The following ESYT3 variants were observed in gnomAD, a reference collection of about 807,000 sequenced individuals.
The protein encoded by ESYT3 is extended synaptotagmin-3.
A neutral mutation model predicts 111.5 loss-of-function variants in ESYT3; 101 were observed. The ratio of observed to expected loss-of-function variants is 0.91; its 90% confidence interval spans 0.77 to 1.07. The LOEUF (loss-of-function observed/expected upper bound fraction) is 1.07. ESYT3 is among the 50% of genes least tolerant of loss of function. The pLI is 0.00. For missense variants in ESYT3, 1,097 were observed against 1,109.4 expected (o/e 0.99, Z 0.16); for synonymous variants, 416 against 446.8 (o/e 0.93, Z 0.87).
intron 22 of ESYT3, 41 bp from the exon 23 acceptor site, chr3:138,476,775 ACT>A: frequency 1.9e-6 from 3 of 1,599,858 alleles, no homozygotes; most frequent in Non-Finnish European, 1.7e-6. Context: ...ACCACAACAC[ACT>A]GTCATTACTA....
chr3:138,460,227 G>T (rs923375131), intron 6 of ESYT3, among the ~76,000 whole-genome samples, 193 bp downstream of exon 6: 1 of 152,206 alleles, frequency 6.6e-6, no homozygotes, highest in African/African-American at 2.4e-5. Context: ...AGATGAGGCA[G>T]CTAAGCTCAG....
chr3:138,455,286 C>T lies in ESYT3; in HGVS notation c.462C>T (p.His154=). The T allele has an allele frequency of 6.2e-6, 10 of 1,614,126 alleles. No homozygotes were observed. The highest frequency in any genetic ancestry group is 1.7e-5 in the Admixed American group (1 of 60,028). ...LEPKIREKSI[H]LRTFTFTKLY... Reference sequence around the variant, plus strand: ...CCAAGATCCGAGAGAAGAGCATCCACCTGAGGACCTTTACCTTTACCAAGC... The same window carrying T: ...CCAAGATCCGAGAGAAGAGCATCCATCTGAGGACCTTTACCTTTACCAAGC... Residue 154 remains histidine, a synonymous_variant, in exon 3 of 23, where the codon CAC becomes CAT. Transcript: ENST00000389567.
intron 1 of ESYT3, among the ~76,000 whole-genome samples, chr3:138,442,257 T>A (rs1478117783): frequency 1.3e-5 from 2 of 152,232 alleles, no homozygotes; most frequent in Non-Finnish European, 2.9e-5. Context: ...TTCCTTTATA[T>A]AGAAAATATA....
chr3:138,474,256 C>G lies in ESYT3; in HGVS notation c.2372C>G (p.Pro791Arg). Residue 791 changes from proline to arginine, a missense_variant, in exon 20 of 23, where the codon CCC becomes CGC. By Grantham distance (103) the Pro-to-Arg change is moderately radical. Transcript: ENST00000389567. ...CCATGTACCAGCAGTGGAGCTGATCCCTACGTCCGTGTCTACTTGTTGCCA... is the reference window on the plus strand; with the variant it reads ...CCATGTACCAGCAGTGGAGCTGATCGCTACGTCCGTGTCTACTTGTTGCCA... ...LTPCTSSGAD[P>R]YVRVYLLPER... 1 of 1,613,694 alleles carries G rather than the reference C, an allele frequency of 6.2e-7. No homozygotes were observed. Among genetic ancestry groups the G allele is most frequent in the South Asian group, 1.1e-5 (1 of 91,004 alleles).
intron 17 of ESYT3, among the ~76,000 whole-genome samples, chr3:138,471,688 C>A (rs2033226725): frequency 6.6e-6 from 1 of 152,172 alleles, no homozygotes; most frequent in African/African-American, 2.4e-5. Context: ...TCCTTTATGA[C>A]CTGGATCGAG....
chr3:138,461,832 C>T (rs766802706), intron 7 of ESYT3, among the ~76,000 whole-genome samples: 3 of 151,522 alleles, frequency 2.0e-5, no homozygotes, highest in African/African-American at 4.9e-5. Context: ...GTGTGACCTC[C>T]AAGAACAAAG....
At chr3:138,455,439 A>C in intron 3 of ESYT3, 111 bp downstream of exon 3, 34 of 1,193,702 alleles carry the variant, frequency 2.8e-5, no homozygotes, top group Non-Finnish European at 3.7e-5. Context: ...CAGAGATCCC[A>C]CTGGACCTTA....
At chr3:138,453,172 G>T (rs1054502964) in intron 2 of ESYT3, among the ~76,000 whole-genome samples, 70 of 152,328 alleles carry the variant, frequency 4.6e-4, no homozygotes, top group African/African-American at 1.6e-3. Context: ...GCAGGACCCA[G>T]CGCCTCTGGG....
intron 18 of ESYT3, 78 bp from the exon 19 acceptor site, chr3:138,473,458 G>GCT: frequency 7.8e-7 from 1 of 1,276,538 alleles, no homozygotes; most frequent in East Asian, 2.3e-5. Context: ...AAGCAGGAAT[G>GCT]CTTCTTTGTC....
At position 138,476,809 on chromosome 3, in the gene ESYT3, G is replaced by A. The variant is rs371221156; in HGVS notation, c.2625-9G>A. The A allele has an allele frequency of 1.2e-6, 2 of 1,613,864 alleles. No homozygotes were observed. Among genetic ancestry groups the A allele is most frequent in the Admixed American group, 1.7e-5 (1 of 60,014 alleles). ...ACTAACGTTAAGTCCAAACGTAACT[G>A]TCTTACAGGTATGAGCTGACTCCAA... is the stretch of plus-strand genomic sequence containing the variant. On this transcript the variant is annotated splice_polypyrimidine_tract_variant and intron_variant, in intron 22 of 22. Transcript: ENST00000389567.
In ESYT3 at chr3:138,474,032, A is replaced by G. The variant is rs140984442; in HGVS notation, c.2337-189A>G. ...TTTTGTCCTCTAAATTCTACAGGCT[A>G]TTACTTTTGATCATCAGGACCACTG... On this transcript the variant is annotated intron_variant, in intron 19 of 22. Transcript: ENST00000389567. Among the ~76,000 whole-genome samples, 684 of 152,348 alleles carry G rather than the reference A, an allele frequency of 4.5e-3. 4 individuals carry two copies. The highest frequency in any genetic ancestry group is 0.016 in the African/African-American group (661 of 41,580).
At chr3:138,469,082 C>T (rs2033086988) in intron 14 of ESYT3, among the ~76,000 whole-genome samples, 1 of 152,186 alleles carries the variant, frequency 6.6e-6, no homozygotes, top group African/African-American at 2.4e-5. Flanking sequence ...CCCTGAGTCT[C>T]ATGATGACTG....
rs1367640348 is a variant in ESYT3 at position 138,434,623 on chromosome 3, C to T, written c.-176C>T. Reference sequence around the variant, plus strand: ...GGCGCGGCGCGGCGCGGTGCATTTCCAGGCGCTGCTCTCCGTCGCAGAGAA... The same window carrying T: ...GGCGCGGCGCGGCGCGGTGCATTTCTAGGCGCTGCTCTCCGTCGCAGAGAA... On this transcript the variant is annotated 5_prime_UTR_variant, in exon 1 of 23. Transcript: ENST00000389567. The T allele has an allele frequency of 1.0e-5, 6 of 594,992 alleles. No individual in the cohort carries two copies. In the South Asian group the frequency reaches 1.3e-4, roughly 13 times the overall value. 36.9% of individuals were successfully genotyped at this position (594,992 alleles called of 1,614,324 possible). A position where few individuals can be genotyped will look rare whatever the true frequency, so the allele number is the denominator to read the frequency against.
intron 9 of ESYT3, among the ~76,000 whole-genome samples, 193 bp from the exon 10 acceptor site, chr3:138,465,146 C>T (rs535393287): frequency 2.0e-4 from 30 of 152,338 alleles, no homozygotes; most frequent in Admixed American, 1.2e-3. Flanking sequence ...TCTGCCATGG[C>T]TTGCACATGT....
In ESYT3 at chr3:138,434,719, G is replaced by C; in HGVS notation, c.-80G>C. On this transcript the variant is annotated 5_prime_UTR_variant, in exon 1 of 23. Coordinates refer to ENST00000389567, the MANE Select transcript of ESYT3 (RefSeq NM_031913.5). ...GGCGTCCTGGTCCTCGAGCTTGGGA[G>C]ACAGATGCGCATGGGCGTGGGGGCA... 7.8e-7 allele frequency: 1 copy of C among 1,276,382 alleles called. No homozygotes were observed. Among genetic ancestry groups the C allele is most frequent in the East Asian group, 2.6e-5 (1 of 38,352 alleles). 79.1% of individuals were successfully genotyped at this position (1,276,382 alleles called of 1,614,324 possible). A position where few individuals can be genotyped will look rare whatever the true frequency, so the allele number is the denominator to read the frequency against.
chr3:138,472,923 A>T, intron 18 of ESYT3, 64 bp downstream of exon 18: 1 of 1,544,074 alleles, frequency 6.5e-7, no homozygotes, highest in Non-Finnish European at 8.7e-7. Context: ...CGCTGGATGG[A>T]AAAGTAGATA....
chr3:138,471,935 A>G (rs2033241195), intron 17 of ESYT3, among the ~76,000 whole-genome samples: 1 of 152,180 alleles, frequency 6.6e-6, no homozygotes, highest in Non-Finnish European at 1.5e-5. Context: ...TCTTGTCATC[A>G]GTCTTTGCTG....
At chr3:138,448,378 T>G (rs812277) in intron 1 of ESYT3, among the ~76,000 whole-genome samples, 21,792 of 151,286 alleles carry the variant, frequency 0.14, 3,460 homozygotes, top group East Asian at 0.38. Context: ...CAGGCCGACT[T>G]ATGGAGTTGA....
At chr3:138,452,588 T>C (rs1443645503) in intron 2 of ESYT3, among the ~76,000 whole-genome samples, 1 of 152,178 alleles carries the variant, frequency 6.6e-6, no homozygotes, top group Non-Finnish European at 1.5e-5. Context: ...GGAACTCCCC[T>C]TGGGCTCTGC....
Sources: allele counts gnomAD v4.1 joint callset (sites outside exome capture counted in the v4.1 genomes callset), GRCh38; gene constraint gnomAD v4.1.1; transcripts MANE v1.5; gene names NCBI Gene and HGNC (gene_info 2026-07-23, HGNC 2026-07-21).